Variants in CUL5 observed in about 807,000 individuals in gnomAD.
The protein encoded by CUL5 is cullin 5.
CUL5 carries 26 observed loss-of-function variants against 108.8 expected under a neutral mutation model. The observed-to-expected ratio is 0.24, with a 90% confidence interval of 0.18 to 0.33. The LOEUF is 0.33. Among genes scored for constraint, CUL5 ranks in the 10% least tolerant of loss-of-function variants. The probability of loss-of-function intolerance (pLI) is 1.00; values close to 1 mark genes in which losing one functional copy is unlikely to be tolerated. For synonymous variants in CUL5, 334 were observed against 298.0 expected, an observed-to-expected ratio of 1.12 and a Z score of -1.25; for missense variants, 524 against 909.2, an observed-to-expected ratio of 0.58 and a Z score of 5.45.
intron 3 of CUL5, among the ~76,000 whole-genome samples, chr11:108,049,080 C>T (rs1863146421): frequency 6.6e-6 from 1 of 152,110 alleles, no homozygotes; most frequent in Non-Finnish European, 1.5e-5. Context: ...GCAACCATCA[C>T]CCAATAATCC....
chr11:108,096,801 G>C (rs888937253), intron 16 of CUL5, among the ~76,000 whole-genome samples: 1 of 151,792 alleles, frequency 6.6e-6, no homozygotes, highest in African/African-American at 2.4e-5. Context: ...CCTGACCTCA[G>C]GTAATTTGCC....
intron 14 of CUL5, 65 bp from the exon 15 acceptor site, chr11:108,094,747 C>G: frequency 1.6e-6 from 2 of 1,263,722 alleles, no homozygotes; most frequent in African/African-American, 1.5e-5. Flanking sequence ...CAAAGTTACC[C>G]TGTATTTATT....
intron 11 of CUL5, among the ~76,000 whole-genome samples, chr11:108,080,545 G>A (rs149931439): frequency 3.9e-5 from 6 of 152,250 alleles, no homozygotes; most frequent in African/African-American, 1.4e-4. Flanking sequence ...ACAGGTGTGT[G>A]CCACCACGCC....
Position 108,104,508 on chromosome 11 carries a change from T to C in CUL5, c.*124T>C, listed in dbSNP as rs1864743728. 2 of 610,394 alleles carry C rather than the reference T, an allele frequency of 3.3e-6. No individual in the cohort carries two copies. Among genetic ancestry groups the C allele is most frequent in the East Asian group, 3.1e-5 (1 of 32,762 alleles). The allele number at this position is 610,394 out of a possible 1,614,324, so 37.8% of individuals were successfully genotyped here. ...TTACATAAATATTAAAATCTCTGCC[T>C]TACCTTACAAAAACAACTATATTTT... On this transcript the variant is annotated 3_prime_UTR_variant, in exon 19 of 19. Transcript: ENST00000393094.
At chr11:108,070,241 G>C (rs775219742) in intron 8 of CUL5, 52 bp downstream of exon 8, 2 of 1,327,586 alleles carry the variant, frequency 1.5e-6, no homozygotes, top group African/African-American at 2.9e-5. Context: ...GGGTATCTTT[G>C]AAACAAATCA....
chr11:108,036,072 A>C (rs1862735883), intron 2 of CUL5, among the ~76,000 whole-genome samples: 1 of 152,204 alleles, frequency 6.6e-6, no homozygotes, highest in Non-Finnish European at 1.5e-5. Context: ...ATCAGGCTGG[A>C]AAATCATCAG....
chr11:108,096,089 T>G (rs769103279), intron 16 of CUL5, among the ~76,000 whole-genome samples: 18 of 138,224 alleles, frequency 1.3e-4, no homozygotes, highest in South Asian at 4.6e-4. Flanking sequence ...GAGTGAGAAC[T>G]CCGTCTGAAA....
At chr11:108,023,299 C>A (rs536806297) in intron 1 of CUL5, among the ~76,000 whole-genome samples, 1 of 152,086 alleles carries the variant, frequency 6.6e-6, no homozygotes, top group Non-Finnish European at 1.5e-5. Flanking sequence ...CTGTGGGCTG[C>A]CTTTTCACTC....
intron 7 of CUL5, among the ~76,000 whole-genome samples, chr11:108,061,202 C>G (rs1863524055): frequency 6.6e-6 from 1 of 152,130 alleles, no homozygotes; most frequent in South Asian, 2.1e-4. Context: ...ACTATACTTT[C>G]CATTCAAGAT....
chr11:108,091,560 T>C (rs139473027), intron 13 of CUL5, among the ~76,000 whole-genome samples: 1 of 151,836 alleles, frequency 6.6e-6, no homozygotes, highest in East Asian at 2.0e-4. Flanking sequence ...TGTGATGGCA[T>C]GCACCTTAGT....
intron 1 of CUL5, among the ~76,000 whole-genome samples, chr11:108,010,168 T>G (rs1490369160): frequency 2.6e-5 from 4 of 152,270 alleles, no homozygotes; most frequent in Non-Finnish European, 5.9e-5. Context: ...TCTGTGTATG[T>G]GTCTGTAGTA....
At chr11:108,027,751 A>T (rs3858393) in intron 1 of CUL5, among the ~76,000 whole-genome samples, 147,999 of 152,288 alleles carry the variant, frequency 0.97, 72,043 homozygotes, top group Middle Eastern at 1. Context: ...CTAATCTGGT[A>T]TTTGTCCTTA....
chr11:108,038,651 G>A (rs1252748566), intron 2 of CUL5, among the ~76,000 whole-genome samples: 1 of 150,446 alleles, frequency 6.6e-6, no homozygotes, highest in Non-Finnish European at 1.5e-5. Context: ...CTCCAGCCTG[G>A]GAAACAAGAG....
intron 18 of CUL5, among the ~76,000 whole-genome samples, chr11:108,103,580 A>G (rs1208143879): frequency 1.2e-4 from 19 of 152,192 alleles, no homozygotes; most frequent in Non-Finnish European, 1.5e-5. Context: ...ATAACTGAAT[A>G]CAAGGGAAAA....
intron 13 of CUL5, 100 bp downstream of exon 13, chr11:108,089,723 G>A (rs998852481): frequency 6.0e-6 from 4 of 670,936 alleles, no homozygotes; most frequent in African/African-American, 5.7e-5. Flanking sequence ...TGTCAAAGAA[G>A]TAGGAAACAT....
intron 13 of CUL5, among the ~76,000 whole-genome samples, chr11:108,090,905 G>A (rs1020302560): frequency 6.6e-6 from 1 of 152,054 alleles, no homozygotes. Flanking sequence ...GAAAAAGAAT[G>A]ATTATTCTGT....
At chr11:108,035,927 C>T (rs1270254030) in intron 2 of CUL5, among the ~76,000 whole-genome samples, 10 of 152,134 alleles carry the variant, frequency 6.6e-5, no homozygotes, top group African/African-American at 2.4e-4. Context: ...CAGTTAGTGT[C>T]TTGTCTTTGG....
chr11:108,009,520 C>A (rs973375569), intron 1 of CUL5, 148 bp downstream of exon 1: 3 of 817,140 alleles, frequency 3.7e-6, no homozygotes, highest in Non-Finnish European at 4.0e-6. Context: ...CCGGCGAGTA[C>A]CGGAACGCGG....
At chr11:108,086,382 G>C (rs1420559326) in intron 11 of CUL5, among the ~76,000 whole-genome samples, 1 of 152,276 alleles carries the variant, frequency 6.6e-6, no homozygotes, top group East Asian at 1.9e-4. Context: ...TTGAGCCCAG[G>C]AGTTCAAGAC....
Sources: allele counts gnomAD v4.1 joint callset (sites outside exome capture counted in the v4.1 genomes callset), GRCh38; gene constraint gnomAD v4.1.1; transcripts MANE v1.5; gene names NCBI Gene and HGNC (gene_info 2026-07-23, HGNC 2026-07-21).